Variants in LRIG3 observed in about 807,000 individuals in gnomAD.
LRIG3 encodes leucine-rich repeats and immunoglobulin-like domains protein 3.
In LRIG3, 76 loss-of-function variants were observed where a neutral mutation model predicts 114.5. That is an observed-to-expected ratio of 0.66 (90% CI 0.55 to 0.80). The LOEUF (loss-of-function observed/expected upper bound fraction) is 0.80, where lower values mean the gene tolerates loss of function less well. Ranked by LOEUF, LRIG3 falls within the 30% of genes least tolerant of loss-of-function variation. LRIG3 has a pLI of 0.00. For synonymous variants in LRIG3, 512 were observed against 519.8 expected, an observed-to-expected ratio of 0.98 and a Z score of 0.20; for missense variants, 1,239 against 1,382.8, an observed-to-expected ratio of 0.90 and a Z score of 1.65.
chr12:58,907,606 T>C (rs995319045), intron 3 of LRIG3, among the ~76,000 whole-genome samples: 4 of 152,194 alleles, frequency 2.6e-5, no homozygotes, highest in African/African-American at 9.6e-5. Context: ...TCATGTACAT[T>C]ATGCCATTTG....
chr12:58,919,614 C>G (rs1447229907), intron 1 of LRIG3: 1 of 1,501,966 alleles, frequency 6.7e-7, no homozygotes, highest in South Asian at 1.3e-5. Flanking sequence ...CATAACTCAG[C>G]GAGAACTGCA....
chr12:58,879,892 G>A (rs976167518), intron 13 of LRIG3, among the ~76,000 whole-genome samples: 2 of 152,186 alleles, frequency 1.3e-5, no homozygotes, highest in South Asian at 2.1e-4. Flanking sequence ...TGAAAATCAC[G>A]CAGGAGTGGC....
chr12:58,897,564 G>T (rs1302057926), intron 3 of LRIG3, among the ~76,000 whole-genome samples: 2 of 152,078 alleles, frequency 1.3e-5, no homozygotes, highest in Non-Finnish European at 2.9e-5. Context: ...GAGCAACATT[G>T]CAAGACCCTG....
rs138380254 is a variant in LRIG3 at position 58,892,257 on chromosome 12, C to T, written c.384-1461G>A. Among the ~76,000 whole-genome samples, 190 of 152,236 alleles carry T rather than the reference C, an allele frequency of 1.2e-3. 1 individual carries two copies. The highest frequency in any genetic ancestry group is 4.4e-3 in the African/African-American group (182 of 41,546). ...AAATAACGTCAAGGTAGAAAGGATA[C>T]CTACAAATCATAGAAAGGTCTCCTC... is the stretch of plus-strand genomic sequence containing the variant. On this transcript the variant is annotated intron_variant, in intron 3 of 18. Coordinates refer to ENST00000320743, the MANE Select transcript of LRIG3 (RefSeq NM_153377.5).
At chr12:58,879,207 G>T in intron 13 of LRIG3, 102 bp from the exon 14 acceptor site, 1 of 1,324,424 alleles carries the variant, frequency 7.6e-7, no homozygotes, top group African/African-American at 1.5e-5. Flanking sequence ...CTTACAGATT[G>T]TCCCTGACAT....
chr12:58,915,809 A>C (rs1268666090), intron 1 of LRIG3, among the ~76,000 whole-genome samples: 1 of 152,184 alleles, frequency 6.6e-6, no homozygotes, highest in East Asian at 1.9e-4. Flanking sequence ...CCAACAACTC[A>C]CGTTAGGATT....
At chr12:58,910,136 T>C (rs576500133) in intron 3 of LRIG3, among the ~76,000 whole-genome samples, 30 of 152,334 alleles carry the variant, frequency 2.0e-4, no homozygotes, top group Non-Finnish European at 3.8e-4. Flanking sequence ...AGAAATGCTT[T>C]ACTTTTGAGA....
In LRIG3 at chr12:58,872,604, G is replaced by C; in HGVS notation, c.3328C>G (p.Pro1110Ala). 6.2e-7 allele frequency: 1 copy of C among 1,613,600 alleles called. No individual in the cohort carries two copies. The highest frequency in any genetic ancestry group is 8.5e-7 in the Non-Finnish European group (1 of 1,179,778). ...FKQTLENYRT[P>A]NFQSYDLDT ...TCCAAGTCATAAGACTGAAAATTTG[G>C]AGTCCTGTAGTTTTCTAAAGTCTGT... Residue 1110 changes from proline to alanine, a missense_variant, in exon 19 of 19, where the codon CCA becomes GCA. Coordinates refer to ENST00000320743, the MANE Select transcript of LRIG3 (RefSeq NM_153377.5).
chr12:58,919,849 T>C (rs1872605578), intron 1 of LRIG3, 151 bp downstream of exon 1: 7 of 900,704 alleles, frequency 7.8e-6, no homozygotes, highest in South Asian at 1.7e-5. Flanking sequence ...CAGTTCTTTT[T>C]CCACGCCCAC....
chr12:58,915,136 G>C (rs1397935710), intron 1 of LRIG3, among the ~76,000 whole-genome samples: 1 of 152,142 alleles, frequency 6.6e-6, no homozygotes, highest in Non-Finnish European at 1.5e-5. Flanking sequence ...TCTCATTTAA[G>C]ATTCAAAATA....
chr12:58,911,808 A>G (rs1387890933), intron 3 of LRIG3, among the ~76,000 whole-genome samples: 1 of 152,216 alleles, frequency 6.6e-6, no homozygotes, highest in Non-Finnish European at 1.5e-5. Context: ...ACAATATCCA[A>G]TCAAGCCTGC....
At chr12:58,902,389 T>G (rs1002720649) in intron 3 of LRIG3, among the ~76,000 whole-genome samples, 7 of 152,198 alleles carry the variant, frequency 4.6e-5, no homozygotes, top group Non-Finnish European at 8.8e-5. Flanking sequence ...ATGTTTATCC[T>G]ACCCTGTATG....
rs1870829453 is a variant in LRIG3, at chr12:58,874,162, G to C, written c.3008C>G (p.Ser1003Cys). The change falls in exon 18 of 19, where the codon TCT becomes TGT. Residue 1003 changes from serine to cysteine, a missense_variant. Coordinates refer to ENST00000320743, the MANE Select transcript of LRIG3 (RefSeq NM_153377.5). ...HVRKLLNTSY[S>C]HNEGPGMKNL... is the part of the protein sequence containing the mutation. ...TTTCATTCCAGGTCCTTCATTGTGA[G>C]AGTAACTAGTGTTAAGTAGCTTCCT... The C allele has an allele frequency of 1.2e-6, 2 of 1,614,198 alleles. No individual in the cohort carries two copies. The highest frequency in any genetic ancestry group is 2.2e-5 in the East Asian group (1 of 44,890).
chr12:58,914,150 AC>A (rs1872388360), intron 2 of LRIG3, 94 bp from the exon 3 acceptor site: 3 of 1,509,808 alleles, frequency 2.0e-6, no homozygotes, highest in Non-Finnish European at 1.8e-6. Flanking sequence ...TCAAGATACC[AC>A]CCAAGTTAAA....
intron 1 of LRIG3, among the ~76,000 whole-genome samples, chr12:58,915,565 T>C (rs1380764626): frequency 6.6e-6 from 1 of 152,074 alleles, no homozygotes; most frequent in Non-Finnish European, 1.5e-5. Context: ...AAAAAAAATC[T>C]GCAAGGTTTT....
At chr12:58,902,502 T>C (rs11172812) in intron 3 of LRIG3, among the ~76,000 whole-genome samples, 17,344 of 152,122 alleles carry the variant, frequency 0.11, 1,507 homozygotes, top group African/African-American at 0.24. Flanking sequence ...GACAGGGAGA[T>C]GGCAGGCAGG....
chr12:58,874,187 T>C lies in LRIG3; in HGVS notation c.2983A>G (p.Arg995Gly), dbSNP rs769001227. 1.1e-5 allele frequency: 18 copies of C among 1,614,088 alleles called. No homozygotes were observed. Among genetic ancestry groups the C allele is most frequent in the Non-Finnish European group, 1.2e-5 (14 of 1,180,034 alleles). Residue 995 changes from arginine to glycine, a missense_variant, in exon 18 of 19, where the codon AGG (arginine) becomes GGG (glycine). Coordinates refer to ENST00000320743, the MANE Select transcript of LRIG3 (RefSeq NM_153377.5). ...FSNISWPSHVRKLLNTSYSHN... is the reference protein window; with the variant it reads ...FSNISWPSHVGKLLNTSYSHN... ...GAGTAACTAGTGTTAAGTAGCTTCC[T>C]CACATGTGAAGGCCACGATATATTA...
At chr12:58,884,833 A>G (rs533293355) in intron 10 of LRIG3, among the ~76,000 whole-genome samples, 3 of 152,226 alleles carry the variant, frequency 2.0e-5, no homozygotes, top group Non-Finnish European at 4.4e-5. Flanking sequence ...TGGTTAATAC[A>G]TATTAAAACT....
At chr12:58,918,643 A>T (rs1872561089) in intron 1 of LRIG3, among the ~76,000 whole-genome samples, 1 of 152,190 alleles carries the variant, frequency 6.6e-6, no homozygotes. Flanking sequence ...TTGTCAATAG[A>T]GCCATTCACT....
Sources: allele counts gnomAD v4.1 joint callset (sites outside exome capture counted in the v4.1 genomes callset), GRCh38; gene constraint gnomAD v4.1.1; transcripts MANE v1.5; gene names NCBI Gene and HGNC (gene_info 2026-07-23, HGNC 2026-07-21).